Variants in MYO16 observed in about 807,000 individuals in gnomAD.
MYO16 encodes unconventional myosin-XVI.
Under a neutral mutation model 205.3 loss-of-function variants are expected in MYO16, and 94 were observed. That is an observed-to-expected ratio of 0.46 (90% confidence interval 0.39 to 0.54). MYO16 has a LOEUF of 0.54. Ranked by LOEUF, MYO16 falls within the 20% of genes least tolerant of loss-of-function variation. The pLI, the probability that MYO16 is intolerant of heterozygous loss-of-function variation, is 0.00. For synonymous variants in MYO16, 988 were observed against 954.0 expected (o/e 1.04, Z -0.66); for missense variants, 2,315 against 2,387.5 (o/e 0.97, Z 0.63).
At chr13:108,725,880 C>G (rs1450872859) in intron 3 of MYO16, among the ~76,000 whole-genome samples, 2 of 152,196 alleles carry the variant, frequency 1.3e-5, no homozygotes, top group African/African-American at 2.4e-5. Context: ...TGGGAACTCT[C>G]TCAAGGTAGG....
In MYO16 at chr13:108,838,890, AC is replaced by A. The variant is rs1365852376; in HGVS notation, c.1098-5452del. Among the ~76,000 whole-genome samples the A allele has an allele frequency of 2.0e-5, 3 of 152,200 alleles. No individual in the cohort carries two copies. The South Asian group carries it at 6.2e-4, about 32-fold the overall frequency. ...TGAATGATGAATGAAGTTACAGCAG[AC>A]AGGCATTGTCCCAGTGGTGCTTGTG... On this transcript the variant is annotated intron_variant, in intron 9 of 34. Transcript: ENST00000457511.
intron 27 of MYO16, among the ~76,000 whole-genome samples, chr13:109,088,464 T>G (rs1021283977): frequency 6.6e-6 from 1 of 152,234 alleles, no homozygotes. Flanking sequence ...TATTGTCATG[T>G]AAATTCTTAG....
the MYO16 span, among the ~76,000 whole-genome samples, chr13:108,504,921 T>C: frequency 2.0e-5 from 3 of 152,204 alleles, no homozygotes; most frequent in South Asian, 6.2e-4. Flanking sequence ...TGATATTTTG[T>C]AACTATTTTT....
chr13:108,517,469 T>G, the MYO16 span, among the ~76,000 whole-genome samples: 3 of 152,166 alleles, frequency 2.0e-5, no homozygotes, highest in Non-Finnish European at 2.9e-5. Flanking sequence ...ATATCAATGG[T>G]GCATGTTCAG....
At chr13:109,084,537 TG>T (rs1888378688) in intron 27 of MYO16, among the ~76,000 whole-genome samples, 2 of 152,220 alleles carry the variant, frequency 1.3e-5, no homozygotes, top group Admixed American at 1.3e-4. Context: ...TATATGTATT[TG>T]TTTAAGGGGA....
rs74683810 is a variant in MYO16, at chr13:108,904,856, C to T, written c.1778-5147C>T. ...CAATTCTTTCTCTTCTACACAAGAT[C>T]GTTCCTTGTCTTTTAAGGGTACTAT... On this transcript the variant is annotated intron_variant, in intron 15 of 34. Coordinates refer to ENST00000457511, the MANE Select transcript of MYO16 (RefSeq NM_001198950.3). 9.7e-3 allele frequency among the ~76,000 whole-genome samples: 1,483 copies of T among 152,238 alleles called. 21 individuals carry two copies. Among genetic ancestry groups the T allele is most frequent in the African/African-American group, 0.034 (1,410 of 41,546 alleles).
intron 22 of MYO16, among the ~76,000 whole-genome samples, chr13:109,015,639 G>A: frequency 6.6e-6 from 1 of 152,086 alleles, no homozygotes; most frequent in East Asian, 1.9e-4. Context: ...CAATTTCAGT[G>A]CCTGCTATTG....
chr13:108,853,913 G>C (rs1878022913), intron 10 of MYO16, among the ~76,000 whole-genome samples: 1 of 150,656 alleles, frequency 6.6e-6, no homozygotes. Context: ...AAAATGTTCT[G>C]ACCTTTCAAC....
At chr13:109,137,622 T>C (rs1297562484) in intron 31 of MYO16, among the ~76,000 whole-genome samples, 1 of 152,224 alleles carries the variant, frequency 6.6e-6, no homozygotes. Context: ...CCCTGTATAG[T>C]ACTGACTTAG....
At chr13:108,743,035 A>G (rs926135111) in intron 4 of MYO16, among the ~76,000 whole-genome samples, 2 of 152,216 alleles carry the variant, frequency 1.3e-5, no homozygotes, top group African/African-American at 4.8e-5. Flanking sequence ...TTGCTAAGCT[A>G]TTCGGTACAG....
chr13:108,732,522 A>G (rs1359108222), intron 4 of MYO16, among the ~76,000 whole-genome samples: 1 of 152,202 alleles, frequency 6.6e-6, no homozygotes, highest in Non-Finnish European at 1.5e-5. Context: ...GCTATGTGGC[A>G]GGGTCTGTGT....
At chr13:108,548,983 G>T in the MYO16 span, among the ~76,000 whole-genome samples, 7 of 152,052 alleles carry the variant, frequency 4.6e-5, no homozygotes, top group Non-Finnish European at 5.9e-5. Context: ...TAGATATACA[G>T]ATCGATAAAG....
intron 3 of MYO16, among the ~76,000 whole-genome samples, chr13:108,714,040 C>T (rs1883826885): frequency 6.6e-6 from 1 of 151,980 alleles, no homozygotes. Flanking sequence ...TATCGTAAGC[C>T]TGTTTTTTTG....
intron 15 of MYO16, among the ~76,000 whole-genome samples, chr13:108,909,350 G>A (rs1881153550): frequency 8.4e-6 from 1 of 118,896 alleles, no homozygotes; most frequent in Non-Finnish European, 1.9e-5. Context: ...TACCGCACAT[G>A]TGTGGTGAGA....
intron 2 of MYO16, among the ~76,000 whole-genome samples, chr13:108,669,926 G>A (rs1258530586): frequency 2.0e-5 from 3 of 152,104 alleles, no homozygotes; most frequent in African/African-American, 4.8e-5. Flanking sequence ...CCTGTCGGGG[G>A]ATGGGTGGTA....
At chr13:109,005,338 C>T (rs1885353296) in intron 21 of MYO16, among the ~76,000 whole-genome samples, 1 of 152,002 alleles carries the variant, frequency 6.6e-6, no homozygotes, top group South Asian at 2.1e-4. Flanking sequence ...CATCTTTTAC[C>T]ATGAAGGCAG....
chr13:108,685,735 G>A (rs542038516), intron 2 of MYO16, among the ~76,000 whole-genome samples: 1 of 152,288 alleles, frequency 6.6e-6, no homozygotes, highest in African/African-American at 2.4e-5. Context: ...AGTTCTGAAG[G>A]CAAGAAGTCC....
At chr13:109,197,996 C>T (rs976086008) in intron 34 of MYO16, among the ~76,000 whole-genome samples, 10 of 152,170 alleles carry the variant, frequency 6.6e-5, no homozygotes, top group African/African-American at 2.4e-4. Flanking sequence ...AAGCCCCTAC[C>T]ACTATTTCTA....
intron 2 of MYO16, among the ~76,000 whole-genome samples, chr13:108,707,058 G>A (rs1197231693): frequency 1.3e-5 from 2 of 152,152 alleles, no homozygotes; most frequent in Non-Finnish European, 2.9e-5. Flanking sequence ...CATCCTGTGA[G>A]TGCATGTGGA....
Sources: gnomAD v4.1 joint callset for allele counts (sites outside exome capture counted in the v4.1 genomes callset) on GRCh38, gnomAD v4.1.1 for gene constraint, MANE v1.5 for transcripts, NCBI Gene and HGNC (gene_info 2026-07-23, HGNC 2026-07-21) for gene names.